Variants in DESI1 observed in about 807,000 individuals in gnomAD.
DESI1 encodes the protein PPPDE peptidase domain containing 2.
DESI1 carries 17 observed loss-of-function variants against 22.4 expected under a neutral mutation model. The ratio of observed to expected loss-of-function variants is 0.76; its 90% CI spans 0.52 to 1.14. DESI1 has a LOEUF of 1.14. DESI1 is among the 50% of genes most tolerant of loss of function. The pLI is 0.00. For synonymous variants in DESI1, 92 were observed against 84.2 expected (o/e 1.09, Z -0.51); for missense variants, 177 against 208.9 (o/e 0.85, Z 0.94).
At chr22:41,603,522 C>G in intron 4 of DESI1, 141 bp from the exon 5 acceptor site, 1 of 1,348,102 alleles carries the variant, frequency 7.4e-7, no homozygotes, top group Middle Eastern at 1.9e-4. Context: ...CAGAAAAGCA[C>G]TGCTTATTTG....
intron 3 of DESI1, among the ~76,000 whole-genome samples, chr22:41,606,022 A>G (rs1464386717): frequency 6.6e-6 from 1 of 152,136 alleles, no homozygotes; most frequent in Admixed American, 6.6e-5. Context: ...GGAACAACCT[A>G]AAAGAGGCTG....
At chr22:41,605,186 G>T (rs116273785) in intron 3 of DESI1, among the ~76,000 whole-genome samples, 2,076 of 152,256 alleles carry the variant, frequency 0.014, 45 homozygotes, top group African/African-American at 0.046. Context: ...AAACGAGGAC[G>T]GTGAGAAATC....
At chr22:41,619,345 T>C (rs962098582) in intron 1 of DESI1, among the ~76,000 whole-genome samples, 3 of 152,244 alleles carry the variant, frequency 2.0e-5, no homozygotes, top group Non-Finnish European at 4.4e-5. Flanking sequence ...TCATTTTAAA[T>C]AGATATTATG....
intron 4 of DESI1, 103 bp from the exon 5 acceptor site, chr22:41,603,484 G>A (rs2067461241): frequency 6.5e-7 from 1 of 1,540,810 alleles, no homozygotes; most frequent in Admixed American, 1.8e-5. Flanking sequence ...CTCAATGTGA[G>A]GATTGCGATT....
chr22:41,613,528 T>C (rs1361835630), intron 1 of DESI1, among the ~76,000 whole-genome samples: 1 of 152,210 alleles, frequency 6.6e-6, no homozygotes, highest in African/African-American at 2.4e-5. Flanking sequence ...TCTTTATAAC[T>C]CCAGCACCTA....
At chr22:41,613,694 C>A (rs1010445565) in intron 1 of DESI1, among the ~76,000 whole-genome samples, 2 of 152,246 alleles carry the variant, frequency 1.3e-5, no homozygotes, top group African/African-American at 4.8e-5. Flanking sequence ...CTCTGCCACC[C>A]TGGCATACTG....
chr22:41,611,096 C>T (rs2067514455), intron 1 of DESI1, among the ~76,000 whole-genome samples: 1 of 152,170 alleles, frequency 6.6e-6, no homozygotes, highest in Non-Finnish European at 1.5e-5. Context: ...TACTAAATCT[C>T]CTCTTTCCTG....
chr22:41,607,162 G>A, intron 3 of DESI1, 100 bp downstream of exon 3: 2 of 1,149,042 alleles, frequency 1.7e-6, no homozygotes, highest in Non-Finnish European at 2.4e-6. Flanking sequence ...GTGGCTTTGA[G>A]GAACAATGCC....
chr22:41,616,913 T>G (rs934607131), intron 1 of DESI1, among the ~76,000 whole-genome samples: 24 of 152,186 alleles, frequency 1.6e-4, no homozygotes, highest in African/African-American at 5.8e-4. Context: ...CAGAGCTAGA[T>G]GAGGTCTCCC....
intron 2 of DESI1, 89 bp from the exon 3 acceptor site, chr22:41,607,420 C>T: frequency 7.6e-7 from 1 of 1,307,930 alleles, no homozygotes; most frequent in South Asian, 1.5e-5. Flanking sequence ...TAATTTCTGC[C>T]CAAGGATAGG....
intron 1 of DESI1, among the ~76,000 whole-genome samples, chr22:41,617,849 C>T (rs1404182842): frequency 6.6e-6 from 1 of 152,122 alleles, no homozygotes; most frequent in African/African-American, 2.4e-5. Flanking sequence ...TCTATTACTC[C>T]ATCTTCAGTT....
chr22:41,606,773 C>CAAAAAA (rs67262006), intron 3 of DESI1, among the ~76,000 whole-genome samples: 3 of 62,726 alleles, frequency 4.8e-5, no homozygotes, highest in African/African-American at 1.4e-4. Flanking sequence ...GACTCCATCT[C>CAAAAAA]AAAAAAAAAA....
rs914264265 is a variant in DESI1, at chr22:41,600,672, T to G, written c.*425A>C. 2.3e-5 allele frequency: 4 copies of G among 174,260 alleles called. No homozygotes were observed. Among genetic ancestry groups the G allele is most frequent in the Non-Finnish European group, 5.0e-5 (4 of 80,268 alleles). The allele number at this position is 174,260 out of a possible 1,614,324, so 10.8% of individuals were successfully genotyped here. A position where few individuals can be genotyped will look rare whatever the true frequency, so the allele number is the denominator to read the frequency against. Reference sequence around the variant, plus strand: ...TTCATTTAACACTAGAGTAACTTTCTGGGTCACGGATGTTCTAAAACTCAC... The same window carrying G: ...TTCATTTAACACTAGAGTAACTTTCGGGGTCACGGATGTTCTAAAACTCAC... On this transcript the variant is annotated 3_prime_UTR_variant, in exon 6 of 6. Coordinates refer to ENST00000263256, the MANE Select transcript of DESI1 (RefSeq NM_015704.3).
Position 41,601,053 on chromosome 22 carries a change from A to C in DESI1, c.*44T>G, listed in dbSNP as rs769535492. 6.4e-7 allele frequency: 1 copy of C among 1,552,056 alleles called. No homozygotes were observed. Among genetic ancestry groups the C allele is most frequent in the Non-Finnish European group, 8.8e-7 (1 of 1,130,722 alleles). On this transcript the variant is annotated 3_prime_UTR_variant, in exon 6 of 6. Transcript: ENST00000263256. ...ATCTGGTAGGGTTTGTTTTGTTTAA[A>C]AAGGAAAAGCCCTGGTGAGGCAGGG...
At chr22:41,620,328 G>C (rs1247753977) in intron 1 of DESI1, among the ~76,000 whole-genome samples, 1 of 152,084 alleles carries the variant, frequency 6.6e-6, no homozygotes, top group Non-Finnish European at 1.5e-5. Context: ...CAGTGTCTCT[G>C]TCACCACGAG....
At chr22:41,612,214 G>C (rs78193947) in intron 1 of DESI1, among the ~76,000 whole-genome samples, 2,102 of 152,228 alleles carry the variant, frequency 0.014, 49 homozygotes, top group African/African-American at 0.048. Flanking sequence ...ACGAACAAGA[G>C]TAGGTTAAGG....
intron 5 of DESI1, among the ~76,000 whole-genome samples, chr22:41,601,419 C>T (rs960895225): frequency 1.3e-5 from 2 of 152,196 alleles, no homozygotes; most frequent in African/African-American, 4.8e-5. Flanking sequence ...ATTTTTATTC[C>T]TGGGGTTCCC....
intron 3 of DESI1, 196 bp from the exon 4 acceptor site, chr22:41,604,349 G>A (rs2067467099): frequency 4.5e-6 from 2 of 445,988 alleles, no homozygotes. Context: ...GGGTTCAAGT[G>A]ATCCTCCTGC....
intron 1 of DESI1, among the ~76,000 whole-genome samples, chr22:41,620,291 G>A (rs968318685): frequency 1.3e-5 from 2 of 152,048 alleles, no homozygotes; most frequent in African/African-American, 4.8e-5. Context: ...ACTGAGACAA[G>A]GTTCTCCGAG....
Sources: allele counts gnomAD v4.1 joint callset (sites outside exome capture counted in the v4.1 genomes callset), GRCh38; gene constraint gnomAD v4.1.1; transcripts MANE v1.5; gene names NCBI Gene and HGNC (gene_info 2026-07-23, HGNC 2026-07-21).